ADAMTSL1: variants seen among roughly 807,000 people sequenced by gnomAD.
ADAMTSL1 encodes ADAMTS-like protein 1.
In ADAMTSL1, 126 loss-of-function variants were observed where a neutral mutation model predicts 201.8. That is an observed-to-expected ratio of 0.62 (90% CI 0.54 to 0.72). The LOEUF is 0.72. Ranked by LOEUF, ADAMTSL1 falls within the 30% of genes least tolerant of loss-of-function variation. ADAMTSL1 has a pLI of 0.00. For synonymous variants in ADAMTSL1, 1,121 were observed against 903.4 expected, an observed-to-expected ratio of 1.24 and a Z score of -4.32; for missense variants, 2,679 against 2,277.8, an observed-to-expected ratio of 1.18 and a Z score of -3.59.
chr9:17,989,896 G>T (rs1222676818), intron 1 of ADAMTSL1, among the ~76,000 whole-genome samples: 1 of 149,462 alleles, frequency 6.7e-6, no homozygotes, highest in African/African-American at 2.5e-5. Flanking sequence ...AAATGGTTTT[G>T]ATACAAGGTC....
intron 26 of ADAMTSL1, among the ~76,000 whole-genome samples, chr9:18,904,633 CAAAAAAAAAAAAAAAAAAAAAA>C (rs71333072): frequency 5.3e-4 from 8 of 15,006 alleles, no homozygotes; most frequent in Admixed American, 1.8e-3. Context: ...GACCCTGCCT[CAAAAAAAAAAAAAAAAAAAAAA>C]AAAAAAAAAA....
intron 4 of ADAMTSL1, among the ~76,000 whole-genome samples, chr9:18,607,103 T>A (rs1317927500): frequency 6.6e-6 from 1 of 152,186 alleles, no homozygotes; most frequent in Non-Finnish European, 1.5e-5. Flanking sequence ...AAATTGAGGT[T>A]GGAAATCATC....
chr9:18,791,223 G>GC (rs1822020192), intron 19 of ADAMTSL1, among the ~76,000 whole-genome samples: 1 of 152,136 alleles, frequency 6.6e-6, no homozygotes, highest in African/African-American at 2.4e-5. Flanking sequence ...CCTTTGCCTG[G>GC]CGGTGCTTCC....
chr9:17,956,257 T>C (rs538535516), intron 1 of ADAMTSL1, among the ~76,000 whole-genome samples: 1 of 152,160 alleles, frequency 6.6e-6, no homozygotes. Context: ...AGAGAGATGA[T>C]CTTAGTCTCG....
intron 2 of ADAMTSL1, among the ~76,000 whole-genome samples, chr9:18,522,256 G>A (rs11789251): frequency 0.02 from 3,034 of 152,078 alleles, 40 homozygotes; most frequent in Non-Finnish European, 0.031. Context: ...CAGTATACCC[G>A]TGTAACAAAC....
intron 7 of ADAMTSL1, among the ~76,000 whole-genome samples, chr9:18,641,512 C>T (rs1827435711): frequency 6.6e-6 from 1 of 152,054 alleles, no homozygotes; most frequent in Admixed American, 6.6e-5. Flanking sequence ...CATCTCTTTA[C>T]TTCTGGTCCA....
At chr9:18,172,637 C>T (rs72701525) in intron 2 of ADAMTSL1, among the ~76,000 whole-genome samples, 5,283 of 152,042 alleles carry the variant, frequency 0.035, 130 homozygotes, top group Non-Finnish European at 0.056. Flanking sequence ...AAAAATCTAC[C>T]TTAGAGAAGC....
At chr9:18,850,912 T>G (rs1049610344) in intron 23 of ADAMTSL1, among the ~76,000 whole-genome samples, 16 of 152,218 alleles carry the variant, frequency 1.1e-4, no homozygotes, top group African/African-American at 3.9e-4. Flanking sequence ...CTCACAGAAC[T>G]AATTATAGTA....
At chr9:18,688,697 T>TAA (rs1564152705) in intron 13 of ADAMTSL1, among the ~76,000 whole-genome samples, 2 of 59,782 alleles carry the variant, frequency 3.3e-5, no homozygotes, top group African/African-American at 1.1e-4. Flanking sequence ...AAAATATATA[T>TAA]ATATATATAT....
chr9:18,084,544 A>G (rs1483728207), intron 1 of ADAMTSL1, among the ~76,000 whole-genome samples: 1 of 151,046 alleles, frequency 6.6e-6, no homozygotes, highest in East Asian at 1.9e-4. Flanking sequence ...AAAGAAAAAG[A>G]AAAAAAAAGA....
At chr9:18,291,844 C>T (rs540505498) in intron 2 of ADAMTSL1, among the ~76,000 whole-genome samples, 2 of 152,000 alleles carry the variant, frequency 1.3e-5, no homozygotes, top group East Asian at 3.9e-4. Context: ...TACCTCTAGA[C>T]ACTAAGAATG....
intron 4 of ADAMTSL1, chr9:18,574,648 T>G: frequency 3.2e-6 from 1 of 313,350 alleles, no homozygotes; most frequent in Non-Finnish European, 5.9e-6. Context: ...ATTGACTCAG[T>G]TTCAGAATAA....
chr9:18,836,505 G>A (rs1302250869), intron 23 of ADAMTSL1, among the ~76,000 whole-genome samples: 1 of 152,022 alleles, frequency 6.6e-6, no homozygotes, highest in Non-Finnish European at 1.5e-5. Context: ...CTGTAGCCCT[G>A]TAGTATAGTT....
chr9:18,680,328 T>C lies in ADAMTSL1; in HGVS notation c.1153T>C (p.Trp385Arg). The change falls in exon 11 of 29, where the codon TGG (tryptophan) becomes CGG (arginine). Residue 385 changes from tryptophan to arginine, a missense_variant. Trp to Arg is a moderately radical substitution (Grantham distance 101, BLOSUM62 -3). Coordinates refer to ENST00000380548, the MANE Select transcript of ADAMTSL1 (RefSeq NM_001040272.6). ...HPLPRWEATP[W>R]TACSSSCGGG... ...CTTCTGTAGGTGGGAGGCCACCCCA[T>C]GGACCGCGTGCTCCTCCTCGTGTGG... is the stretch of plus-strand genomic sequence containing the variant. 5 of 1,614,068 alleles carry C rather than the reference T, an allele frequency of 3.1e-6. No homozygotes were observed. The highest frequency in any genetic ancestry group is 4.2e-6 in the Non-Finnish European group (5 of 1,180,010).
At chr9:18,824,689 C>CTTTTTT in intron 21 of ADAMTSL1, among the ~76,000 whole-genome samples, 1 of 105,238 alleles carries the variant, frequency 9.5e-6, no homozygotes, top group Non-Finnish European at 1.9e-5. Context: ...GGGACTTGAC[C>CTTTTTT]CTTTTTTTTT....
chr9:18,124,049 G>C (rs1004074471), intron 1 of ADAMTSL1, among the ~76,000 whole-genome samples: 1 of 141,682 alleles, frequency 7.1e-6, no homozygotes, highest in African/African-American at 2.6e-5. Context: ...TAATGATGTT[G>C]AGTATCTTTT....
chr9:17,980,146 T>G (rs58133373), intron 1 of ADAMTSL1, among the ~76,000 whole-genome samples: 5,238 of 152,252 alleles, frequency 0.034, 118 homozygotes, highest in Middle Eastern at 0.071. Flanking sequence ...TTCTTTCTAC[T>G]TCTTAAATGA....
At chr9:18,636,846 T>G (rs960352644) in intron 6 of ADAMTSL1, among the ~76,000 whole-genome samples, 5 of 152,026 alleles carry the variant, frequency 3.3e-5, no homozygotes, top group Admixed American at 6.6e-5. Flanking sequence ...TGAGCATTTC[T>G]GATTTCCTCC....
At chr9:18,473,986 C>A (rs1186149295), upstream of ADAMTSL1, 1 of 456,716 alleles carries the variant, frequency 2.2e-6, no homozygotes, top group Admixed American at 4.0e-5. Context: ...GTCCTCCTGG[C>A]TTTGTTATTC....
Sources: allele counts gnomAD v4.1 joint callset (sites outside exome capture counted in the v4.1 genomes callset), GRCh38; gene constraint gnomAD v4.1.1; transcripts MANE v1.5; gene names NCBI Gene and HGNC (gene_info 2026-07-23, HGNC 2026-07-21).